The following ARAP1 variants were observed in gnomAD, a reference collection of about 807,000 sequenced individuals.
The protein encoded by ARAP1 is ArfGAP with RhoGAP domain, ankyrin repeat and PH domain 1.
ARAP1 carries 76 observed loss-of-function variants against 172.2 expected under a neutral mutation model. That is an observed-to-expected ratio of 0.44 (90% CI 0.37 to 0.53). The LOEUF is 0.53. Ranked by LOEUF, ARAP1 falls within the 20% of genes least tolerant of loss-of-function variation. The probability of loss-of-function intolerance (pLI) is 0.00; values close to 1 mark genes in which losing one functional copy is unlikely to be tolerated. For missense variants in ARAP1, 1,686 were observed against 1,977.5 expected, an observed-to-expected ratio of 0.85 and a Z score of 2.80; for synonymous variants, 804 against 803.3, an observed-to-expected ratio of 1.00 and a Z score of -0.01.
intron 1 of ARAP1, among the ~76,000 whole-genome samples, chr11:72,734,989 C>CT (rs1031816570): frequency 2.5e-4 from 37 of 148,348 alleles, no homozygotes; most frequent in South Asian, 6.4e-4. Context: ...TAGCTCTCAA[C>CT]TTTTTTTTTT....
chr11:72,710,008 G>A lies in ARAP1; in HGVS notation c.1417-32C>T, dbSNP rs1399442164. ...GGCAGATGGGACGGGATGAGGGCAA[G>A]GCTTTGGGGGCAGGGCGTGAGGCTT... is the stretch of plus-strand genomic sequence containing the variant. On this transcript the variant is annotated intron_variant, in intron 10 of 34. Transcript: ENST00000393609. The surrounding 1 kb of genome is among the most constrained non-coding windows in gnomAD (Gnocchi z 4.3). 1 of 1,576,710 alleles carries A rather than the reference G, an allele frequency of 6.3e-7. No homozygotes were observed. Among genetic ancestry groups the A allele is most frequent in the Non-Finnish European group, 8.7e-7 (1 of 1,146,248 alleles).
chr11:72,697,269 C>A lies in ARAP1; in HGVS notation c.2953+54G>T, dbSNP rs867123561. The A allele has an allele frequency of 2.2e-5, 27 of 1,245,780 alleles. No individual in the cohort carries two copies. In the Middle Eastern group the frequency reaches 4.2e-3, roughly 194 times the overall value. 77.2% of individuals were successfully genotyped at this position (1,245,780 alleles called of 1,614,324 possible). A position where few individuals can be genotyped will look rare whatever the true frequency, so the allele number is the denominator to read the frequency against. The stretch of plus-strand genomic sequence containing the variant: ...GGGGCGGGGCCGCGCAGCTCTGGGG[C>A]GGGAGGCGGCTCTCCGGGAGGGGCG... On this transcript the variant is annotated intron_variant, in intron 21 of 34. Transcript: ENST00000393609.
At chr11:72,692,959 A>C in intron 29 of ARAP1, 174 bp from the exon 30 acceptor site, 1 of 803,616 alleles carries the variant, frequency 1.2e-6, no homozygotes. Context: ...ATGAGGGAGA[A>C]GGGTGGCCCG....
intron 1 of ARAP1, among the ~76,000 whole-genome samples, chr11:72,742,105 C>A (rs937162352): frequency 6.6e-6 from 1 of 152,050 alleles, no homozygotes; most frequent in Non-Finnish European, 1.5e-5. Context: ...AAGAGGGAGA[C>A]AGGGGGACCA....
chr11:72,704,311 G>T lies in ARAP1; in HGVS notation c.1833C>A (p.Gly611=). 6.3e-7 allele frequency: 1 copy of T among 1,599,382 alleles called. No individual in the cohort carries two copies. The highest frequency in any genetic ancestry group is 1.1e-5 in the South Asian group (1 of 89,004). The change falls in exon 14 of 35, where the codon GGC becomes GGA. Residue 611 remains glycine (G), a synonymous_variant. Coordinates refer to ENST00000393609, the MANE Select transcript of ARAP1 (RefSeq NM_001040118.3). ...LIELFLQLGN[G]AGNRFWAANV... ...TGGCTGCCCAGAAGCGGTTCCCAGCGCCATTCCCCAGCTGTAAGAAGAGCT... is the reference window on the plus strand; with the variant it reads ...TGGCTGCCCAGAAGCGGTTCCCAGCTCCATTCCCCAGCTGTAAGAAGAGCT...
At chr11:72,728,240 A>T (rs1857755265) in intron 2 of ARAP1, among the ~76,000 whole-genome samples, 1 of 152,236 alleles carries the variant, frequency 6.6e-6, no homozygotes, top group Non-Finnish European at 1.5e-5. Context: ...AAGAAGGTCA[A>T]CTGAGAAACT....
At chr11:72,694,794 C>T (rs1436791050) in intron 27 of ARAP1, among the ~76,000 whole-genome samples, 186 bp downstream of exon 27, 1 of 152,176 alleles carries the variant, frequency 6.6e-6, no homozygotes, top group Non-Finnish European at 1.5e-5. Context: ...AGCCACATGA[C>T]AGCCATAACC....
chr11:72,723,516 C>T (rs1351926947), intron 3 of ARAP1, among the ~76,000 whole-genome samples: 2 of 152,122 alleles, frequency 1.3e-5, no homozygotes, highest in African/African-American at 2.4e-5. Flanking sequence ...ATCACAGCCT[C>T]GTTCTTCCCA....
Position 72,699,089 on chromosome 11 carries a change from C to T in ARAP1, c.2457G>A (p.Glu819=), listed in dbSNP as rs1856349096. 6.2e-7 allele frequency: 1 copy of T among 1,614,056 alleles called. No individual in the cohort carries two copies. The highest frequency in any genetic ancestry group is 8.5e-7 in the Non-Finnish European group (1 of 1,180,046). ...PDTHGFEHTF[E]VYTEGERLYL... ...ACAGCCGTTCTCCCTCCGTGTACAC[C>T]TCAAAGGTGTGCTCAAAGCTGCAAA... Residue 819 remains glutamate, a synonymous_variant, in exon 18 of 35, where the codon GAG becomes GAA. Coordinates refer to ENST00000393609, the MANE Select transcript of ARAP1 (RefSeq NM_001040118.3). The surrounding 1 kb of genome is among the most constrained non-coding windows in gnomAD (Gnocchi z 4.2).
rs1258381885 is a variant in ARAP1 at position 72,741,885 on chromosome 11, G to A, written c.-127-9288C>T. Reference sequence around the variant, plus strand: ...AAACCTAAAGCTCCTGCCCACCAAGGAGGAGGGACTTGGTGGGCTCCTCTG... The same window carrying A: ...AAACCTAAAGCTCCTGCCCACCAAGAAGGAGGGACTTGGTGGGCTCCTCTG... On this transcript the variant is annotated intron_variant, in intron 1 of 34. Coordinates refer to ENST00000393609, the MANE Select transcript of ARAP1 (RefSeq NM_001040118.3). The surrounding 1 kb of genome is among the most constrained non-coding windows in gnomAD (Gnocchi z 4.5). Among the ~76,000 whole-genome samples the A allele has an allele frequency of 6.6e-6, 1 of 152,286 alleles. No individual in the cohort carries two copies. The highest frequency in any genetic ancestry group is 2.1e-4 in the South Asian group (1 of 4,832).
At chr11:72,691,408 G>A (rs1003361505) in intron 30 of ARAP1, among the ~76,000 whole-genome samples, 1 of 152,170 alleles carries the variant, frequency 6.6e-6, no homozygotes, top group Non-Finnish European at 1.5e-5. Context: ...CACAGTGAGG[G>A]TTCTAAACAC....
In ARAP1 at chr11:72,697,378, C is replaced by T. The variant is rs1475337217; in HGVS notation, c.2898G>A (p.Gly966=). The T allele has an allele frequency of 1.2e-5, 19 of 1,608,688 alleles. No homozygotes were observed. Among genetic ancestry groups the T allele is most frequent in the Non-Finnish European group, 1.6e-5 (19 of 1,177,836 alleles). The stretch of plus-strand genomic sequence containing the variant: ...ACACGATCACCGGGATATCCGAGTC[C>T]CCAAGCTGCTGCTCCGACAGCGTGT... ...MGDTLSEQQL[G]DSDIPVIVYR... The change falls in exon 21 of 35, where the codon GGG becomes GGA. Residue 966 remains glycine, a synonymous_variant. Coordinates refer to ENST00000393609, the MANE Select transcript of ARAP1 (RefSeq NM_001040118.3).
chr11:72,686,014 C>T, intron 34 of ARAP1, 28 bp downstream of exon 34: 1 of 1,613,908 alleles, frequency 6.2e-7, no homozygotes, highest in South Asian at 1.1e-5. Flanking sequence ...CCCCAGCCCC[C>T]TGCCCAAAGG....
intron 33 of ARAP1, among the ~76,000 whole-genome samples, chr11:72,686,448 T>A (rs1313707331): frequency 6.6e-6 from 1 of 152,024 alleles, no homozygotes; most frequent in Non-Finnish European, 1.5e-5. Flanking sequence ...ACATTTCTCT[T>A]AGAGGAACAC....
chr11:72,695,319 G>T lies in ARAP1; in HGVS notation c.3576+68C>A. On this transcript the variant is annotated intron_variant, in intron 26 of 34. Coordinates refer to ENST00000393609, the MANE Select transcript of ARAP1 (RefSeq NM_001040118.3). This position sits in a 1 kb window ranked among gnomAD's most constrained non-coding sequence, Gnocchi z 4.4. ...TCGGGGTAGAAGCACTGCTCCCCTG[G>T]CCATCTGAGCCTGTACCTGGCCCAG... 6.3e-7 allele frequency: 1 copy of T among 1,595,588 alleles called. No individual in the cohort carries two copies.
At chr11:72,703,109 A>AGAAGGAGT (rs765847501) in intron 14 of ARAP1, 30 bp from the exon 15 acceptor site, 1 of 1,512,364 alleles carries the variant, frequency 6.6e-7, no homozygotes, top group South Asian at 1.3e-5. Flanking sequence ...GGTCAGCCCA[A>AGAAGGAGT]GAAGGAGTAG....
intron 30 of ARAP1, among the ~76,000 whole-genome samples, chr11:72,691,402 G>A (rs2135491838): frequency 6.6e-6 from 1 of 152,270 alleles, no homozygotes; most frequent in Non-Finnish European, 1.5e-5. Flanking sequence ...TCTGCCCACA[G>A]TGAGGGTTCT....
rs1158528880 is a variant in ARAP1 at position 72,745,406 on chromosome 11, G to A, written c.-128+6922C>T. On this transcript the variant is annotated intron_variant, in intron 1 of 34. Coordinates refer to ENST00000393609, the MANE Select transcript of ARAP1 (RefSeq NM_001040118.3). ...TTTTTAGTAGAGACGGGGTTTCACC[G>A]TGTTAGCCAGGATGGTCTTGATCTC... Among the ~76,000 whole-genome samples, 9 of 135,716 alleles carry A rather than the reference G, an allele frequency of 6.6e-5. No individual in the cohort carries two copies. The South Asian group carries it at 6.9e-4, about 10-fold the overall frequency. 89.0% of individuals were successfully genotyped at this position (135,716 alleles called of 152,430 possible).
At chr11:72,731,528 GA>G (rs1857868962) in intron 2 of ARAP1, among the ~76,000 whole-genome samples, 1 of 152,212 alleles carries the variant, frequency 6.6e-6, no homozygotes, top group African/African-American at 2.4e-5. Context: ...ACCAGAAGCT[GA>G]GCAGATGCTG....
Sources: allele counts gnomAD v4.1 joint callset (sites outside exome capture counted in the v4.1 genomes callset), GRCh38; gene constraint gnomAD v4.1.1; non-coding constraint Gnocchi (gnomAD v3.1); transcripts MANE v1.5; gene names NCBI Gene and HGNC (gene_info 2026-07-23, HGNC 2026-07-21).